RPS6KC1: variants seen among roughly 807,000 people sequenced by gnomAD.
RPS6KC1 encodes ribosomal protein S6 kinase C1.
A neutral mutation model predicts 103.8 loss-of-function variants in RPS6KC1; 54 were observed. The observed-to-expected ratio is 0.52, with a 90% CI of 0.42 to 0.65. The LOEUF (loss-of-function observed/expected upper bound fraction) is 0.65, where lower values mean the gene tolerates loss of function less well. Ranked by LOEUF, RPS6KC1 falls within the 30% of genes least tolerant of loss-of-function variation. The probability of loss-of-function intolerance (pLI) is 0.00; values close to 1 mark genes in which losing one functional copy is unlikely to be tolerated. For missense variants in RPS6KC1, 1,151 were observed against 1,253.8 expected, an observed-to-expected ratio of 0.92 and a Z score of 1.24; for synonymous variants, 439 against 438.7, an observed-to-expected ratio of 1.00 and a Z score of -0.01.
the RPS6KC1 span, among the ~76,000 whole-genome samples, chr1:213,624,955 C>G: frequency 6.6e-6 from 1 of 152,134 alleles, no homozygotes; most frequent in East Asian, 1.9e-4. Context: ...AAGCATGTTC[C>G]CTCTTAAAAG....
At chr1:213,854,547 T>TCTTC in the RPS6KC1 span, among the ~76,000 whole-genome samples, 1 of 107,414 alleles carries the variant, frequency 9.3e-6, no homozygotes. Context: ...TTTCTTTCTT[T>TCTTC]CTTTCTTTCT....
the RPS6KC1 span, among the ~76,000 whole-genome samples, chr1:213,777,859 C>A: frequency 2.0e-5 from 3 of 152,118 alleles, no homozygotes; most frequent in African/African-American, 7.2e-5. Flanking sequence ...TATTTATTGA[C>A]CACTTGGTAT....
chr1:213,438,324 A>G, the RPS6KC1 span, among the ~76,000 whole-genome samples: 1 of 152,140 alleles, frequency 6.6e-6, no homozygotes, highest in Non-Finnish European at 1.5e-5. Flanking sequence ...ATCTCCTTGT[A>G]TGACTCATAA....
At chr1:213,803,887 G>A in the RPS6KC1 span, among the ~76,000 whole-genome samples, 1 of 150,318 alleles carries the variant, frequency 6.7e-6, no homozygotes, top group African/African-American at 2.5e-5. Flanking sequence ...CTATATCATG[G>A]GGATCTACAA....
chr1:213,413,941 A>G, the RPS6KC1 span, among the ~76,000 whole-genome samples: 5 of 152,162 alleles, frequency 3.3e-5, no homozygotes, highest in Admixed American at 6.5e-5. Context: ...GGAAGCTAAA[A>G]ATGATGTTGG....
the RPS6KC1 span, among the ~76,000 whole-genome samples, chr1:213,608,676 G>C: frequency 5.3e-5 from 8 of 152,190 alleles, no homozygotes; most frequent in African/African-American, 1.9e-4. Flanking sequence ...AATTTCACCA[G>C]ACATAAATCA....
chr1:213,686,304 G>A, the RPS6KC1 span, among the ~76,000 whole-genome samples: 1 of 152,154 alleles, frequency 6.6e-6, no homozygotes, highest in East Asian at 1.9e-4. Context: ...CTCCTTGTTG[G>A]TTCCAGCTGA....
At chr1:213,219,773 C>G (rs1434647415) in intron 8 of RPS6KC1, among the ~76,000 whole-genome samples, 3 of 148,566 alleles carry the variant, frequency 2.0e-5, no homozygotes, top group Non-Finnish European at 4.4e-5. Flanking sequence ...AAACCAAACA[C>G]TACATGTTCT....
At chr1:213,153,094 C>T (rs893686256) in intron 6 of RPS6KC1, among the ~76,000 whole-genome samples, 7 of 152,194 alleles carry the variant, frequency 4.6e-5, no homozygotes, top group African/African-American at 9.6e-5. Context: ...TCAGGCCTGG[C>T]GGCGCGAGTC....
chr1:213,260,041 A>G (rs572902698), intron 12 of RPS6KC1, among the ~76,000 whole-genome samples: 3 of 152,302 alleles, frequency 2.0e-5, no homozygotes, highest in South Asian at 2.1e-4. Context: ...GCCTGGCCCT[A>G]TTTAAAATGG....
At chr1:213,860,582 G>A in the RPS6KC1 span, among the ~76,000 whole-genome samples, 1 of 152,066 alleles carries the variant, frequency 6.6e-6, no homozygotes, top group African/African-American at 2.4e-5. Flanking sequence ...GGCATTGAAG[G>A]ATGAGTAGGA....
chr1:213,312,071 T>C, the RPS6KC1 span, among the ~76,000 whole-genome samples: 3 of 152,036 alleles, frequency 2.0e-5, no homozygotes, highest in Non-Finnish European at 2.9e-5. Flanking sequence ...CTAATTTTTG[T>C]ATTTTTAGTA....
At chr1:213,717,631 A>G in the RPS6KC1 span, among the ~76,000 whole-genome samples, 12 of 152,240 alleles carry the variant, frequency 7.9e-5, no homozygotes, top group Admixed American at 6.5e-4. Flanking sequence ...CATGGCAGCC[A>G]TTGAAGGCTT....
intron 10 of RPS6KC1, among the ~76,000 whole-genome samples, chr1:213,233,858 A>G (rs985478165): frequency 1.3e-5 from 2 of 152,056 alleles, no homozygotes; most frequent in African/African-American, 2.4e-5. Context: ...TTAGGTGTCT[A>G]TTGTTTATTT....
the RPS6KC1 span, among the ~76,000 whole-genome samples, chr1:213,434,049 C>T: frequency 1.3e-5 from 2 of 149,814 alleles, no homozygotes; most frequent in Non-Finnish European, 3.0e-5. Context: ...TTTTTTCTTA[C>T]CTTTTTTTTT....
At chr1:213,440,593 T>TAAAAAAAA in the RPS6KC1 span, among the ~76,000 whole-genome samples, 10 of 100,374 alleles carry the variant, frequency 1.0e-4, no homozygotes, top group Non-Finnish European at 1.5e-4. Context: ...TTAATGGAAC[T>TAAAAAAAA]AAAAAAAAAA....
the RPS6KC1 span, among the ~76,000 whole-genome samples, chr1:213,342,174 T>G: frequency 6.6e-6 from 1 of 152,182 alleles, no homozygotes; most frequent in Non-Finnish European, 1.5e-5. Flanking sequence ...CCAGCTGACC[T>G]ACCAGACGAA....
At chr1:213,707,210 G>A in the RPS6KC1 span, among the ~76,000 whole-genome samples, 1 of 152,166 alleles carries the variant, frequency 6.6e-6, no homozygotes, top group Non-Finnish European at 1.5e-5. Flanking sequence ...TCCAGCATCT[G>A]TTGTTTCCGG....
At chr1:213,625,778 C>T in the RPS6KC1 span, among the ~76,000 whole-genome samples, 31 of 152,288 alleles carry the variant, frequency 2.0e-4, no homozygotes, top group East Asian at 5.4e-3. Context: ...TTTATGGCTG[C>T]ATAGTATTCC....
Sources: allele counts gnomAD v4.1 joint callset (sites outside exome capture counted in the v4.1 genomes callset), GRCh38; gene constraint gnomAD v4.1.1; transcripts MANE v1.5; gene names NCBI Gene and HGNC (gene_info 2026-07-23, HGNC 2026-07-21).